Variants in TENM2 observed in about 807,000 individuals in gnomAD.
TENM2 encodes the protein teneurin-2.
Under a neutral mutation model 245.2 loss-of-function variants are expected in TENM2, and 52 were observed. The ratio of observed to expected loss-of-function variants is 0.21; its 90% CI spans 0.17 to 0.27. The LOEUF is 0.27. Ranked by LOEUF, TENM2 falls within the 10% of genes least tolerant of loss-of-function variation. TENM2 has a pLI of 1.00. For synonymous variants in TENM2, 1,363 were observed against 1,438.9 expected (o/e 0.95, Z 1.19); for missense variants, 3,046 against 3,666.8 (o/e 0.83, Z 4.37).
chr5:167,705,987 ATATATTTATT>A (rs1191682087), intron 2 of TENM2, among the ~76,000 whole-genome samples: 1 of 91,566 alleles, frequency 1.1e-5, no homozygotes, highest in African/African-American at 4.8e-5. Flanking sequence ...ATATATATAT[ATATATTTATT>A]TATTTATTTA....
chr5:168,152,807 A>AGAGGTATC (rs1756771951), intron 12 of TENM2, among the ~76,000 whole-genome samples: 1 of 152,194 alleles, frequency 6.6e-6, no homozygotes, highest in African/African-American at 2.4e-5. Flanking sequence ...CTTTCAGTCC[A>AGAGGTATC]GAGGTATCTG....
At chr5:167,011,227 C>T in the TENM2 span, among the ~76,000 whole-genome samples, 6 of 152,158 alleles carry the variant, frequency 3.9e-5, no homozygotes, top group Admixed American at 3.3e-4. Flanking sequence ...TTGTCTTGAG[C>T]AAGAGCCATT....
rs531894054 is a variant in TENM2 at position 168,211,729 on chromosome 5, T to C, written c.3825-5T>C. On this transcript the variant is annotated splice_region_variant and splice_polypyrimidine_tract_variant and intron_variant, in intron 19 of 28. Coordinates refer to ENST00000518659, the Ensembl canonical transcript of TENM2. ...TTTTTTCCTTTCTGTTTTCTTTCTA[T>C]AAAGAAATAAAGAGTTTAAACATAG... 2 of 1,306,820 alleles carry C rather than the reference T, an allele frequency of 1.5e-6. No individual in the cohort carries two copies. The highest frequency in any genetic ancestry group is 1.4e-5 in the South Asian group (1 of 73,216). 81.0% of individuals were successfully genotyped at this position (1,306,820 alleles called of 1,614,324 possible).
At chr5:168,231,308 G>A (rs1280632996) in intron 25 of TENM2, among the ~76,000 whole-genome samples, 2 of 152,232 alleles carry the variant, frequency 1.3e-5, no homozygotes, top group African/African-American at 4.8e-5. Flanking sequence ...TCACAGAGGA[G>A]CTGGAATCAT....
At chr5:168,225,597 C>CA (rs1331590226) in intron 23 of TENM2, among the ~76,000 whole-genome samples, 2 of 151,840 alleles carry the variant, frequency 1.3e-5, no homozygotes, top group South Asian at 2.1e-4. Context: ...CCCATCTCTA[C>CA]AAAAAATGCA....
chr5:167,334,868 A>T (rs1334082153), intron 1 of TENM2, among the ~76,000 whole-genome samples: 6 of 152,214 alleles, frequency 3.9e-5, no homozygotes, highest in African/African-American at 1.4e-4. Context: ...GAGGACTTGT[A>T]GCCTTAAAAT....
At chr5:167,539,665 A>G (rs1772071780) in intron 2 of TENM2, among the ~76,000 whole-genome samples, 1 of 152,216 alleles carries the variant, frequency 6.6e-6, no homozygotes, top group African/African-American at 2.4e-5. Flanking sequence ...TTTATGAAAT[A>G]TGACATCTCT....
the TENM2 span, among the ~76,000 whole-genome samples, chr5:167,005,397 G>A: frequency 6.6e-6 from 1 of 152,102 alleles, no homozygotes; most frequent in East Asian, 1.9e-4. Flanking sequence ...TAGGAGAACC[G>A]TTGACATTTA....
intron 2 of TENM2, among the ~76,000 whole-genome samples, chr5:167,412,596 CT>C (rs1482569591): frequency 2.0e-5 from 3 of 152,012 alleles, no homozygotes; most frequent in African/African-American, 7.2e-5. Flanking sequence ...TTATGGAATG[CT>C]TTTTAAGGCA....
chr5:167,768,753 A>C (rs916507673), intron 2 of TENM2, among the ~76,000 whole-genome samples: 1 of 152,144 alleles, frequency 6.6e-6, no homozygotes, highest in East Asian at 1.9e-4. Flanking sequence ...CTTTCTCATG[A>C]GATTCTTGTG....
intron 2 of TENM2, among the ~76,000 whole-genome samples, chr5:167,389,124 C>T (rs541419095): frequency 1.3e-5 from 2 of 151,786 alleles, no homozygotes; most frequent in Non-Finnish European, 2.9e-5. Context: ...ATTGTTAAAT[C>T]TTTATGCTGC....
the TENM2 span, among the ~76,000 whole-genome samples, chr5:166,989,559 C>A: frequency 2.0e-5 from 3 of 151,476 alleles, no homozygotes; most frequent in African/African-American, 7.3e-5. Flanking sequence ...ATCAGGCTAA[C>A]TTTTGTATTT....
At chr5:167,930,052 A>C (rs1778159794) in intron 3 of TENM2, among the ~76,000 whole-genome samples, 2 of 152,134 alleles carry the variant, frequency 1.3e-5, no homozygotes, top group South Asian at 4.1e-4. Context: ...AACCCATATT[A>C]ATGGTTATTG....
chr5:167,161,612 T>G, the TENM2 span, among the ~76,000 whole-genome samples: 3 of 152,212 alleles, frequency 2.0e-5, no homozygotes, highest in Non-Finnish European at 4.4e-5. Flanking sequence ...TGCAAGCATT[T>G]TTTTTCCGCT....
intron 2 of TENM2, among the ~76,000 whole-genome samples, chr5:167,434,974 A>G (rs1265560767): frequency 6.6e-6 from 1 of 152,238 alleles, no homozygotes; most frequent in African/African-American, 2.4e-5. Context: ...ACAAAATAGC[A>G]GATAGAACCA....
At chr5:167,867,829 C>T (rs546870169) in intron 2 of TENM2, among the ~76,000 whole-genome samples, 9 of 152,268 alleles carry the variant, frequency 5.9e-5, no homozygotes, top group Admixed American at 1.3e-4. Context: ...AGATCTCTCT[C>T]GCCTCTGGGG....
At chr5:168,026,197 T>A (rs769468911) in intron 5 of TENM2, among the ~76,000 whole-genome samples, 1 of 152,190 alleles carries the variant, frequency 6.6e-6, no homozygotes, top group Non-Finnish European at 1.5e-5. Context: ...CTGAGGAGAT[T>A]TGACCCACCA....
chr5:167,598,717 A>G (rs1248315043), intron 2 of TENM2, among the ~76,000 whole-genome samples: 5 of 152,106 alleles, frequency 3.3e-5, no homozygotes, highest in Non-Finnish European at 5.9e-5. Context: ...CTAGTATTTT[A>G]ACTTAAAGGT....
intron 1 of TENM2, among the ~76,000 whole-genome samples, chr5:167,365,769 T>C (rs1474541947): frequency 6.6e-6 from 1 of 151,954 alleles, no homozygotes; most frequent in Non-Finnish European, 1.5e-5. Context: ...AAAATAACCT[T>C]AAATAGACAC....
Sources: allele counts gnomAD v4.1 joint callset (sites outside exome capture counted in the v4.1 genomes callset), GRCh38; gene constraint gnomAD v4.1.1; transcripts MANE v1.5; gene names NCBI Gene and HGNC (gene_info 2026-07-23, HGNC 2026-07-21).